The following KDM6A variants were observed in gnomAD, a reference collection of about 807,000 sequenced individuals.
KDM6A encodes lysine demethylase 6A, also known as lysine-specific demethylase 6A.
In KDM6A, 11 loss-of-function variants were observed where a neutral mutation model predicts 117.6. The observed-to-expected ratio is 0.09, with a 90% CI of 0.06 to 0.15. The LOEUF is 0.15. KDM6A is among the 10% of genes least tolerant of loss of function. The pLI is 1.00. For synonymous variants in KDM6A, 384 were observed against 396.1 expected, an observed-to-expected ratio of 0.97 and a Z score of 0.36; for missense variants, 799 against 1,077.3, an observed-to-expected ratio of 0.74 and a Z score of 3.62.
intron 2 of KDM6A, among the ~76,000 whole-genome samples, chrX:44,957,970 A>G (rs952988211): frequency 2.7e-5 from 3 of 111,587 alleles, no homozygotes; most frequent in African/African-American, 6.5e-5. Context: ...GTCCACTTGC[A>G]CTAACCATGT....
chrX:45,003,475 G>A (rs1365122662), intron 4 of KDM6A, among the ~76,000 whole-genome samples: 1 of 99,227 alleles, frequency 1.0e-5, no homozygotes, highest in African/African-American at 3.7e-5. Flanking sequence ...CAGATTGAAT[G>A]TATTAGGGCC....
chrX:44,946,367 A>G (rs1763213979), intron 2 of KDM6A, among the ~76,000 whole-genome samples: 1 of 112,083 alleles, frequency 8.9e-6, no homozygotes, highest in African/African-American at 3.2e-5. Context: ...TTGGGATTAC[A>G]GGTGTGAACC....
At chrX:44,996,139 C>A (rs2040852869) in intron 4 of KDM6A, among the ~76,000 whole-genome samples, 1 of 110,365 alleles carries the variant, frequency 9.1e-6, no homozygotes, top group Non-Finnish European at 1.9e-5. Flanking sequence ...TCCAGTGGTA[C>A]AATTGTAGCG....
At chrX:44,987,638 A>G (rs1003923320) in intron 4 of KDM6A, among the ~76,000 whole-genome samples, 6 of 111,334 alleles carry the variant, frequency 5.4e-5, no homozygotes, top group African/African-American at 1.3e-4. Flanking sequence ...GCTTGTCTGT[A>G]AAGTATTTTA....
rs544096815 is a variant in KDM6A at position 44,995,216 on chromosome X, C to T, written c.385-15745C>T. On this transcript the variant is annotated intron_variant, in intron 4 of 29. Transcript: ENST00000611820. ...GTGGTACCTAATTTGTTTCCTAAGT[C>T]TCAGGGCATTTTATTGGCTTTCAGT... 7.2e-5 allele frequency among the ~76,000 whole-genome samples: 8 copies of T among 110,976 alleles called. No individual in the cohort carries two copies. The South Asian group carries it at 3.0e-3, about 42-fold the overall frequency.
rs762811078 is a variant in KDM6A, at chrX:44,879,430, GTTAA to G, written c.225+5449_225+5452del. Among the ~76,000 whole-genome samples the G allele has an allele frequency of 2.2e-3, 244 of 112,390 alleles. 1 individual carries two copies. Among genetic ancestry groups the G allele is most frequent in the Non-Finnish European group, 4.3e-3 (231 of 53,302 alleles). ...ACTCACATGTATTATTTGTAGATTA[GTTAA>G]TTAATAAAGTTTATTTAATGAATGC... On this transcript the variant is annotated intron_variant, in intron 2 of 29. Coordinates refer to ENST00000611820, the MANE Select transcript of KDM6A (RefSeq NM_001291415.2).
chrX:44,937,529 G>A (rs1214425217), intron 2 of KDM6A, among the ~76,000 whole-genome samples: 2 of 111,439 alleles, frequency 1.8e-5, no homozygotes, highest in Non-Finnish European at 3.8e-5. Flanking sequence ...TGATGTTACT[G>A]TTGTAATTGT....
chrX:45,028,206 T>C (rs2042458770), intron 6 of KDM6A, among the ~76,000 whole-genome samples: 1 of 112,150 alleles, frequency 8.9e-6, no homozygotes. Flanking sequence ...CAAATTAACA[T>C]CATTTTTCAT....
chrX:45,096,877 A>T (rs2046131145), intron 27 of KDM6A, among the ~76,000 whole-genome samples: 2 of 111,644 alleles, frequency 1.8e-5, no homozygotes, highest in African/African-American at 6.5e-5. Flanking sequence ...AACCAAAGGA[A>T]TATAAATTAT....
chrX:44,935,024 GC>G (rs2036887331), intron 2 of KDM6A, among the ~76,000 whole-genome samples: 1 of 111,073 alleles, frequency 9.0e-6, no homozygotes, highest in African/African-American at 3.3e-5. Flanking sequence ...TGTGGTGCAG[GC>G]CAGTAGTTCT....
intron 8 of KDM6A, among the ~76,000 whole-genome samples, chrX:45,040,192 CCTTA>C (rs2043011747): frequency 1.1e-5 from 1 of 93,014 alleles, no homozygotes; most frequent in African/African-American, 4.0e-5. Context: ...CAGAGGGGCT[CCTTA>C]CTTCCCAGTA....
chrX:45,100,900 G>C (rs1364775403), intron 27 of KDM6A, among the ~76,000 whole-genome samples: 2 of 106,809 alleles, frequency 1.9e-5, no homozygotes, highest in South Asian at 4.1e-4. Flanking sequence ...GCCCAGGCTG[G>C]TCTCAAACTC....
chrX:44,882,174 G>C (rs2146523570), intron 2 of KDM6A, among the ~76,000 whole-genome samples: 1 of 111,669 alleles, frequency 9.0e-6, no homozygotes, highest in Non-Finnish European at 1.9e-5. Flanking sequence ...GTGTTCATTA[G>C]ATTTTTCTCT....
chrX:44,881,945 C>G (rs924171328), intron 2 of KDM6A, among the ~76,000 whole-genome samples: 6 of 110,690 alleles, frequency 5.4e-5, no homozygotes, highest in African/African-American at 2.0e-4. Context: ...GCGTCGGCCT[C>G]CTGAAGTGCT....
chrX:44,915,316 T>C (rs1049119072), intron 2 of KDM6A, among the ~76,000 whole-genome samples: 5 of 112,333 alleles, frequency 4.5e-5, no homozygotes, highest in Admixed American at 2.8e-4. Flanking sequence ...GACATCCCTC[T>C]GTTCCAATGC....
chrX:45,091,124 A>G (rs1156252399), intron 27 of KDM6A, among the ~76,000 whole-genome samples: 1 of 111,328 alleles, frequency 9.0e-6, no homozygotes, highest in Non-Finnish European at 1.9e-5. Flanking sequence ...CCTCTGAACC[A>G]CCTGATATCC....
chrX:45,075,637 A>G (rs949334289), intron 18 of KDM6A, among the ~76,000 whole-genome samples: 6 of 111,475 alleles, frequency 5.4e-5, no homozygotes, highest in African/African-American at 1.9e-4. Context: ...TTAAAAGTCT[A>G]TGGCAGTGAA....
At chrX:45,062,904 C>T (rs1370540087) in intron 16 of KDM6A, among the ~76,000 whole-genome samples, 156 bp downstream of exon 16, 3 of 111,876 alleles carry the variant, frequency 2.7e-5, no homozygotes, top group Admixed American at 1.9e-4. Flanking sequence ...TGGTAATTGA[C>T]GGAGATTTTT....
intron 2 of KDM6A, among the ~76,000 whole-genome samples, chrX:44,934,725 T>A (rs976274668): frequency 9.0e-6 from 1 of 111,154 alleles, no homozygotes; most frequent in African/African-American, 3.3e-5. Context: ...TGGGGATAGA[T>A]CTATGAATGA....
Sources: allele counts gnomAD v4.1 joint callset (sites outside exome capture counted in the v4.1 genomes callset), GRCh38; gene constraint gnomAD v4.1.1; transcripts MANE v1.5; gene names NCBI Gene and HGNC (gene_info 2026-07-23, HGNC 2026-07-21).